KCTD9: variants seen among roughly 807,000 people sequenced by gnomAD.
The protein encoded by KCTD9 is potassium channel tetramerization domain containing 9.
KCTD9 carries 17 observed loss-of-function variants against 53.3 expected under a neutral mutation model. The observed-to-expected ratio is 0.32, with a 90% confidence interval of 0.22 to 0.48. The LOEUF is 0.48. KCTD9 is among the 20% of genes least tolerant of loss of function. The probability of loss-of-function intolerance (pLI) is 0.99; values close to 1 mark genes in which losing one functional copy is unlikely to be tolerated. For missense variants in KCTD9, 179 were observed against 465.5 expected (o/e 0.38, Z 5.66); for synonymous variants, 128 against 162.7 (o/e 0.79, Z 1.62).
At chr8:25,447,544 T>C (rs1802237213) in intron 1 of KCTD9, among the ~76,000 whole-genome samples, 1 of 152,164 alleles carries the variant, frequency 6.6e-6, no homozygotes, top group African/African-American at 2.4e-5. Context: ...AGTGGACAGT[T>C]TCTAGTTAAA....
chr8:25,454,264 T>C (rs1802387727), intron 1 of KCTD9, among the ~76,000 whole-genome samples: 1 of 152,216 alleles, frequency 6.6e-6, no homozygotes, highest in Non-Finnish European at 1.5e-5. Flanking sequence ...CGGTACAGAA[T>C]GAAAGTATTT....
chr8:25,439,707 A>C, intron 4 of KCTD9, 43 bp from the exon 5 acceptor site: 1 of 1,612,366 alleles, frequency 6.2e-7, no homozygotes, highest in Non-Finnish European at 8.5e-7. Flanking sequence ...ATTTGTCTTT[A>C]TAAACAAACA....
At chr8:25,436,532 AT>A in intron 6 of KCTD9, 47 bp from the exon 7 acceptor site, 1 of 1,116,028 alleles carries the variant, frequency 9.0e-7, no homozygotes, top group Non-Finnish European at 1.3e-6. Flanking sequence ...TAGTGAATGT[AT>A]TACATTCATT....
intron 2 of KCTD9, among the ~76,000 whole-genome samples, chr8:25,444,579 C>T (rs1802182146): frequency 6.6e-6 from 1 of 152,146 alleles, no homozygotes; most frequent in African/African-American, 2.4e-5. Flanking sequence ...AAAAAATCTC[C>T]TTACACAAAC....
chr8:25,432,738 G>C, intron 10 of KCTD9, 101 bp from the exon 11 acceptor site: 1 of 1,032,356 alleles, frequency 9.7e-7, no homozygotes. Flanking sequence ...TTTAACTTTT[G>C]GAAATTAATC....
chr8:25,449,760 G>T (rs1295630038), intron 1 of KCTD9, among the ~76,000 whole-genome samples: 1 of 151,154 alleles, frequency 6.6e-6, no homozygotes, highest in Non-Finnish European at 1.5e-5. Flanking sequence ...TTACCATATT[G>T]AATAGCACAA....
At chr8:25,437,846 T>C (rs1488283392) in intron 6 of KCTD9, among the ~76,000 whole-genome samples, 1 of 35,270 alleles carries the variant, frequency 2.8e-5, no homozygotes, top group East Asian at 7.6e-4. Context: ...AGACCCTGTC[T>C]CAAAAAAAAA....
intron 1 of KCTD9, among the ~76,000 whole-genome samples, chr8:25,453,050 C>T (rs577801950): frequency 5.2e-4 from 79 of 152,182 alleles, no homozygotes; most frequent in African/African-American, 6.5e-4. Context: ...CCGTATGTCC[C>T]GAAGCTGATT....
chr8:25,442,960 A>G (rs1440301799), intron 3 of KCTD9, among the ~76,000 whole-genome samples: 1 of 152,166 alleles, frequency 6.6e-6, no homozygotes, highest in Non-Finnish European at 1.5e-5. Flanking sequence ...TTGATATAGA[A>G]AAAGGAGACA....
chr8:25,429,128 AGTG>A lies in KCTD9; in HGVS notation c.*726_*728del, dbSNP rs1801886003. On this transcript the variant is annotated 3_prime_UTR_variant, in exon 12 of 12. Coordinates refer to ENST00000221200, the MANE Select transcript of KCTD9 (RefSeq NM_017634.4). ...AGAAATTCTCATTTGTAAGTGTTGT[AGTG>A]ATAGGTAAGTTATTCCTCCATCCAG... The A allele has an allele frequency of 3.3e-5, 5 of 152,198 alleles. No homozygotes were observed. The highest frequency in any genetic ancestry group is 3.3e-4 in the Admixed American group (5 of 15,274). The allele number at this position is 152,198 out of a possible 1,614,324, so 9.4% of individuals were successfully genotyped here.
chr8:25,441,463 T>C (rs1199295757), intron 3 of KCTD9, among the ~76,000 whole-genome samples: 1 of 152,012 alleles, frequency 6.6e-6, no homozygotes, highest in African/African-American at 2.4e-5. Context: ...ACCCACAAAA[T>C]AGATCAAAAT....
At chr8:25,430,905 CT>C (rs1327948124) in intron 11 of KCTD9, among the ~76,000 whole-genome samples, 1 of 151,946 alleles carries the variant, frequency 6.6e-6, no homozygotes, top group South Asian at 2.1e-4. Flanking sequence ...TCTCGGCTCA[CT>C]GCAACCTCCA....
intron 6 of KCTD9, among the ~76,000 whole-genome samples, chr8:25,438,300 A>G (rs1039931536): frequency 3.5e-5 from 5 of 142,202 alleles, no homozygotes; most frequent in African/African-American, 1.0e-4. Context: ...GGGTCAAATA[A>G]TATCTTTTTT....
At chr8:25,436,524 G>A (rs758295240) in intron 6 of KCTD9, 39 bp from the exon 7 acceptor site, 8 of 1,179,744 alleles carry the variant, frequency 6.8e-6, no homozygotes, top group Non-Finnish European at 9.7e-6. Flanking sequence ...ACCTAATTTA[G>A]TGAATGTATT....
chr8:25,447,191 TGA>T (rs759804165), intron 1 of KCTD9, among the ~76,000 whole-genome samples: 16 of 152,036 alleles, frequency 1.1e-4, no homozygotes, highest in Non-Finnish European at 1.5e-4. Flanking sequence ...GCCTGGAGTT[TGA>T]GACCAGCCAG....
rs537546442 is a variant in KCTD9 at position 25,458,277 on chromosome 8, C to T, written c.-31G>A. The T allele has an allele frequency of 2.5e-6, 4 of 1,609,374 alleles. No individual in the cohort carries two copies. Among genetic ancestry groups the T allele is most frequent in the Non-Finnish European group, 3.4e-6 (4 of 1,178,798 alleles). On this transcript the variant is annotated 5_prime_UTR_variant, in exon 1 of 12. Coordinates refer to ENST00000221200, the MANE Select transcript of KCTD9 (RefSeq NM_017634.4). ...TGCCCCCGCTGGGTCCTGAGTGAGCCGCCACCCTCCCACCTGGTCCTCCTC... is the reference window on the plus strand; with the variant it reads ...TGCCCCCGCTGGGTCCTGAGTGAGCTGCCACCCTCCCACCTGGTCCTCCTC...
At chr8:25,439,820 GC>G in intron 4 of KCTD9, 156 bp from the exon 5 acceptor site, 9 of 1,451,028 alleles carry the variant, frequency 6.2e-6, no homozygotes, top group Non-Finnish European at 8.2e-6. Flanking sequence ...GCAGTAAGTT[GC>G]CATTTATCAG....
chr8:25,435,034 C>T (rs928160247), intron 9 of KCTD9, among the ~76,000 whole-genome samples: 22 of 152,276 alleles, frequency 1.4e-4, no homozygotes, highest in African/African-American at 5.3e-4. Flanking sequence ...TTTCAAGGTT[C>T]CTTTCAGCTT....
intron 1 of KCTD9, among the ~76,000 whole-genome samples, chr8:25,449,963 T>C (rs886920784): frequency 6.6e-6 from 1 of 152,234 alleles, no homozygotes. Flanking sequence ...GATGTTGCCA[T>C]CTTCTGTTTC....
Sources: allele counts gnomAD v4.1 joint callset (sites outside exome capture counted in the v4.1 genomes callset), GRCh38; gene constraint gnomAD v4.1.1; transcripts MANE v1.5; gene names NCBI Gene and HGNC (gene_info 2026-07-23, HGNC 2026-07-21).